Variants in CDKL5 observed in about 807,000 individuals in gnomAD.
The protein encoded by CDKL5 is cyclin-dependent kinase-like 5.
CDKL5 carries 8 observed loss-of-function variants against 61.7 expected under a neutral mutation model. The observed-to-expected ratio is 0.13, with a 90% CI of 0.08 to 0.23. The LOEUF is 0.23. Among genes scored for constraint, CDKL5 ranks in the 10% least tolerant of loss-of-function variants. The pLI is 1.00. For synonymous variants in CDKL5, 275 were observed against 272.3 expected, an observed-to-expected ratio of 1.01 and a Z score of -0.10; for missense variants, 440 against 734.5, an observed-to-expected ratio of 0.60 and a Z score of 4.63.
Position 18,613,110 on chromosome X carries a change from A to G in CDKL5, c.2153-42A>G, listed in dbSNP as rs371999833. The G allele has an allele frequency of 2.0e-3, 2,145 of 1,077,937 alleles. 18 individuals are homozygous for G. The African/African-American group carries it at 0.027, about 14-fold the overall frequency. 88.8% of individuals were successfully genotyped at this position (1,077,937 alleles called of 1,213,427 possible). On this transcript the variant is annotated intron_variant, in intron 14 of 17. Coordinates refer to ENST00000623535, the MANE Select transcript of CDKL5 (RefSeq NM_001323289.2). ...ACTCTGTCTAAAAAAAAAAAAAAAA[A>G]AAAAGAAAAGTCCATCAGTGACTTA...
chrX:18,434,012 C>T (rs900698756), intron 1 of CDKL5, among the ~76,000 whole-genome samples: 5 of 111,886 alleles, frequency 4.5e-5, no homozygotes, highest in African/African-American at 1.6e-4. Context: ...ATGGGATTTG[C>T]AAACAGCTTA....
At chrX:18,642,058 G>C (rs281865360), downstream of CDKL5, 1 of 1,211,645 alleles carries the variant, frequency 8.3e-7, no homozygotes, top group Non-Finnish European at 1.1e-6. Context: ...CAATGCGGAC[G>C]TGCCAGCCCA....
In CDKL5 at chrX:18,604,191, C is replaced by T. The variant is rs1926270757; in HGVS notation, c.1267C>T (p.Pro423Ser). Residue 423 changes from proline to serine, a missense_variant, in exon 12 of 18, where the codon CCA becomes TCA. Physicochemically the swap from Pro to Ser is moderately conservative, Grantham distance 74. Coordinates refer to ENST00000623535, the MANE Select transcript of CDKL5 (RefSeq NM_001323289.2). ...AACAGAGTTTGATTTTAATATTGAC[C>T]CAAAGCCTTCAGAAGGCCCAGGGAC... ...SKTEFDFNID[P>S]KPSEGPGTKY... 1 of 1,209,332 alleles carries T rather than the reference C, an allele frequency of 8.3e-7. No individual in the cohort carries two copies.
Position 18,435,189 on chromosome X carries a change from C to A in CDKL5, c.-163+9494C>A, listed in dbSNP as rs767136828. On this transcript the variant is annotated intron_variant, in intron 1 of 17. Coordinates refer to ENST00000623535, the MANE Select transcript of CDKL5 (RefSeq NM_001323289.2). Reference sequence around the variant, plus strand: ...AGAGGCTGGGTCAGATGTGACATATCCTAGAATTTATCCACACCCTCAGAC... The same window carrying A: ...AGAGGCTGGGTCAGATGTGACATATACTAGAATTTATCCACACCCTCAGAC... 4.5e-5 allele frequency among the ~76,000 whole-genome samples: 5 copies of A among 111,115 alleles called. No individual in the cohort carries two copies. In the South Asian group the frequency reaches 1.9e-3, roughly 42 times the overall value.
chrX:18,464,128 T>C (rs1450494134), intron 1 of CDKL5, among the ~76,000 whole-genome samples: 1 of 111,122 alleles, frequency 9.0e-6, no homozygotes, highest in Non-Finnish European at 1.9e-5. Context: ...GAGAGAGCAC[T>C]AGATATTTTC....
intron 1 of CDKL5, among the ~76,000 whole-genome samples, chrX:18,431,062 C>G (rs1054868030): frequency 1.8e-5 from 2 of 109,210 alleles, no homozygotes; most frequent in African/African-American, 6.7e-5. Flanking sequence ...CGGGGTTTCA[C>G]CATGTTGGCC....
chrX:18,427,725 T>A lies in CDKL5; in HGVS notation c.-163+2030T>A, dbSNP rs754779620. Reference sequence around the variant, plus strand: ...AAATCAAAATCCGATATATTTTTTTTAAATTTGAAATAGAATTCTTTGTCC... The same window carrying A: ...AAATCAAAATCCGATATATTTTTTTAAAATTTGAAATAGAATTCTTTGTCC... On this transcript the variant is annotated intron_variant, in intron 1 of 17. Coordinates refer to ENST00000623535, the MANE Select transcript of CDKL5 (RefSeq NM_001323289.2). Among the ~76,000 whole-genome samples, 12 of 112,119 alleles carry A rather than the reference T, an allele frequency of 1.1e-4. No homozygotes were observed. The South Asian group carries it at 3.3e-3, about 31-fold the overall frequency.
intron 1 of CDKL5, among the ~76,000 whole-genome samples, chrX:18,436,198 A>ATG (rs1931605836): frequency 9.0e-6 from 1 of 111,649 alleles, no homozygotes; most frequent in Admixed American, 9.6e-5. Flanking sequence ...ATCATTATAA[A>ATG]TGTGCTCATC....
intron 1 of CDKL5, among the ~76,000 whole-genome samples, chrX:18,493,964 G>A (rs894346976): frequency 8.9e-6 from 1 of 111,918 alleles, no homozygotes; most frequent in East Asian, 2.8e-4. Flanking sequence ...ACCCAGGCTA[G>A]AGTGCAGTGG....
intron 3 of CDKL5, among the ~76,000 whole-genome samples, chrX:18,543,260 C>T (rs751336426): frequency 7.3e-5 from 8 of 109,951 alleles, no homozygotes; most frequent in Non-Finnish European, 1.3e-4. Flanking sequence ...CTACCCTTTT[C>T]CTGGTCTTTT....
chrX:18,455,943 CTT>C (rs966575423), intron 1 of CDKL5, among the ~76,000 whole-genome samples: 1 of 112,207 alleles, frequency 8.9e-6, no homozygotes, highest in Non-Finnish European at 1.9e-5. Context: ...CTCTGAAAAA[CTT>C]TTGTATACAA....
rs773195969 is a variant in CDKL5 at position 18,581,969 on chromosome X, A to G, written c.463+19A>G. 1 of 1,068,610 alleles carries G rather than the reference A, an allele frequency of 9.4e-7. No individual in the cohort carries two copies. The highest frequency in any genetic ancestry group is 1.3e-6 in the Non-Finnish European group (1 of 766,512). 88.1% of individuals were successfully genotyped at this position (1,068,610 alleles called of 1,213,427 possible). ...GACTTTGGTAAGTTAAAAAGAAATT[A>G]AGTCCTGGTACTTACAGAATTAATT... On this transcript the variant is annotated intron_variant, in intron 7 of 17. Coordinates refer to ENST00000623535, the MANE Select transcript of CDKL5 (RefSeq NM_001323289.2).
exon 22 of CDKL5, chrX:18,653,615 T>C: frequency 8.8e-7 from 1 of 1,130,706 alleles, no homozygotes; most frequent in South Asian, 1.9e-5. Flanking sequence ...TTAACACCAA[T>C]GAATCAACCA....
At chrX:18,492,076 T>C (rs1922013680) in intron 1 of CDKL5, among the ~76,000 whole-genome samples, 1 of 111,471 alleles carries the variant, frequency 9.0e-6, no homozygotes, top group South Asian at 3.7e-4. Flanking sequence ...TTTATCAAAT[T>C]GGTTTCCAAT....
At chrX:18,603,563 C>A (rs911807888) in intron 11 of CDKL5, among the ~76,000 whole-genome samples, 3 of 112,380 alleles carry the variant, frequency 2.7e-5, no homozygotes, top group African/African-American at 9.7e-5. Context: ...CAGCTCTCTT[C>A]TTAGCAGTCA....
chrX:18,638,398 G>A lies in CDKL5; in HGVS notation c.*9641G>A. On this transcript the variant is annotated 3_prime_UTR_variant, in exon 18 of 18. Transcript: ENST00000623535. ...CATTTCTAAAAATAAAAGTAAATAT[G>A]TTAAAATAAGGTAAGAGTGAGTTTT... The A allele has an allele frequency of 8.9e-6, 1 of 112,211 alleles. No individual in the cohort carries two copies. 9.2% of individuals were successfully genotyped at this position (112,211 alleles called of 1,213,427 possible).
At chrX:18,474,235 A>G (rs1016743111) in intron 1 of CDKL5, among the ~76,000 whole-genome samples, 2 of 111,542 alleles carry the variant, frequency 1.8e-5, no homozygotes, top group Admixed American at 1.9e-4. Context: ...CCTTGATAGC[A>G]TTAGTCTAGA....
chrX:18,534,636 G>T (rs932200553), intron 3 of CDKL5, among the ~76,000 whole-genome samples: 2 of 111,925 alleles, frequency 1.8e-5, no homozygotes, highest in East Asian at 2.8e-4. Flanking sequence ...CTATTTGGGA[G>T]ATTTTGGCCC....
intron 1 of CDKL5, among the ~76,000 whole-genome samples, chrX:18,440,665 G>A (rs770035872): frequency 1.8e-5 from 2 of 111,851 alleles, no homozygotes; most frequent in African/African-American, 3.2e-5. Flanking sequence ...TAGAGACGGC[G>A]TTTCACTGTG....
Sources: gnomAD v4.1 joint callset for allele counts (sites outside exome capture counted in the v4.1 genomes callset) on GRCh38, gnomAD v4.1.1 for gene constraint, MANE v1.5 for transcripts, NCBI Gene and HGNC (gene_info 2026-07-23, HGNC 2026-07-21) for gene names.